CACHD1: variants seen among roughly 807,000 people sequenced by gnomAD.
The protein encoded by CACHD1 is VWFA and cache domain-containing protein 1.
Under a neutral mutation model 138.7 loss-of-function variants are expected in CACHD1, and 71 were observed. That is an observed-to-expected ratio of 0.51 (90% CI 0.42 to 0.62). CACHD1 has a LOEUF of 0.62. Among genes scored for constraint, CACHD1 ranks in the 20% least tolerant of loss-of-function variants. CACHD1 has a pLI of 0.00. For missense variants in CACHD1, 1,389 were observed against 1,625.3 expected (o/e 0.85, Z 2.50); for synonymous variants, 578 against 591.5 (o/e 0.98, Z 0.33).
intron 1 of CACHD1, 130 bp downstream of exon 1, chr1:64,471,072 G>C (rs1646141218): frequency 2.3e-6 from 2 of 864,094 alleles, no homozygotes; most frequent in African/African-American, 3.5e-5. Flanking sequence ...GCTTCCCGTC[G>C]GACCCCTCTG....
intron 17 of CACHD1, among the ~76,000 whole-genome samples, chr1:64,672,377 A>C (rs1649844857): frequency 6.6e-6 from 1 of 152,244 alleles, no homozygotes. Context: ...TAGATCAAAT[A>C]TAGTAGTCCC....
intron 4 of CACHD1, among the ~76,000 whole-genome samples, chr1:64,605,029 C>T (rs1349301163): frequency 6.8e-6 from 1 of 147,660 alleles, no homozygotes. Flanking sequence ...TGCAGTGATG[C>T]AGTCTTGGCT....
intron 1 of CACHD1, among the ~76,000 whole-genome samples, chr1:64,482,296 C>T (rs1006641219): frequency 1.3e-5 from 2 of 152,210 alleles, no homozygotes; most frequent in African/African-American, 2.4e-5. Context: ...TGCCAGAATA[C>T]TGGCCTTCTT....
At chr1:64,626,280 C>T (rs184490032) in intron 4 of CACHD1, among the ~76,000 whole-genome samples, 55 of 152,292 alleles carry the variant, frequency 3.6e-4, no homozygotes, top group African/African-American at 1.3e-3. Context: ...GGCATTTTAA[C>T]GCCAACCACA....
chr1:64,595,228 G>T (rs982390080), intron 3 of CACHD1, among the ~76,000 whole-genome samples: 2 of 152,092 alleles, frequency 1.3e-5, no homozygotes, highest in Admixed American at 6.5e-5. Context: ...ATGTGTGAGG[G>T]GAGAGAACAC....
At chr1:64,483,709 A>G (rs1471861638) in intron 1 of CACHD1, among the ~76,000 whole-genome samples, 2 of 149,482 alleles carry the variant, frequency 1.3e-5, no homozygotes, top group South Asian at 2.1e-4. Context: ...AAAAAGTGCC[A>G]AGGAGATCTT....
intron 16 of CACHD1, among the ~76,000 whole-genome samples, chr1:64,669,798 G>A (rs1395729954): frequency 6.6e-6 from 1 of 152,024 alleles, no homozygotes. Flanking sequence ...CAATATACGT[G>A]CTGTTGCTTT....
At position 64,487,074 on chromosome 1, in the gene CACHD1, G is replaced by A. The variant is rs192248786; in HGVS notation, c.198+16132G>A. On this transcript the variant is annotated intron_variant, in intron 1 of 26. Transcript: ENST00000651257. ...GGGCTGAAAGAAGGCACTGAAGAAA[G>A]GTGGGAATAAAGGAAGATGAGCGAG... 4.4e-3 allele frequency among the ~76,000 whole-genome samples: 665 copies of A among 152,222 alleles called. 8 individuals carry two copies. The highest frequency in any genetic ancestry group is 3.5e-3 in the Non-Finnish European group (236 of 68,012).
chr1:64,617,805 G>T (rs532476942), intron 4 of CACHD1, among the ~76,000 whole-genome samples: 1 of 152,312 alleles, frequency 6.6e-6, no homozygotes, highest in South Asian at 2.1e-4. Context: ...ATGGCTGGGT[G>T]CAGTGGCTCA....
chr1:64,593,991 G>T (rs1455452137), intron 3 of CACHD1, among the ~76,000 whole-genome samples: 1 of 151,988 alleles, frequency 6.6e-6, no homozygotes, highest in African/African-American at 2.4e-5. Flanking sequence ...AAAGTTTATG[G>T]CAGGGTAATC....
At chr1:64,502,552 A>G (rs1465229599) in intron 1 of CACHD1, among the ~76,000 whole-genome samples, 2 of 152,014 alleles carry the variant, frequency 1.3e-5, no homozygotes, top group Non-Finnish European at 2.9e-5. Flanking sequence ...ATGTGCATGC[A>G]TCTATGTGTG....
chr1:64,662,867 A>G (rs1421754913), intron 13 of CACHD1, among the ~76,000 whole-genome samples: 7 of 152,162 alleles, frequency 4.6e-5, no homozygotes, highest in African/African-American at 1.7e-4. Context: ...TGAGTGAATA[A>G]TTTTTATTTG....
At chr1:64,482,452 C>CA (rs1646216490) in intron 1 of CACHD1, among the ~76,000 whole-genome samples, 1 of 152,186 alleles carries the variant, frequency 6.6e-6, no homozygotes, top group Middle Eastern at 3.2e-3. Flanking sequence ...TTGGCCACTG[C>CA]AGGAGACAGC....
chr1:64,480,395 T>G (rs1646201666), intron 1 of CACHD1, among the ~76,000 whole-genome samples: 1 of 152,190 alleles, frequency 6.6e-6, no homozygotes, highest in African/African-American at 2.4e-5. Flanking sequence ...CATTTTTCTC[T>G]TAGAATGAAA....
intron 19 of CACHD1, 28 bp downstream of exon 19, chr1:64,673,492 T>A (rs781496152): frequency 1.3e-6 from 2 of 1,510,898 alleles, no homozygotes; most frequent in South Asian, 2.3e-5. Flanking sequence ...CTTAACACTC[T>A]CATTTTTCCA....
In CACHD1 at chr1:64,641,846, T is replaced by G. The variant is rs1401169478; in HGVS notation, c.1033T>G (p.Ser345Ala). Residue 345 changes from serine (S) to alanine (A), a missense_variant, in exon 8 of 27, where the codon TCA becomes GCA. This residue lies in a region of CACHD1 where 1,000 missense variants were observed against 1,114.7 expected (regional missense o/e 0.90). Coordinates refer to ENST00000651257, the MANE Select transcript of CACHD1 (RefSeq NM_020925.4). ...TACAGACATGGTCATCATTTACCTG[T>G]CAGCTGGCATTACATCAAAGGACTC... ...ANTDMVIIYL[S>A]AGITSKDSSE... 1 of 1,572,486 alleles carries G rather than the reference T, an allele frequency of 6.4e-7. No individual in the cohort carries two copies. Among genetic ancestry groups the G allele is most frequent in the African/African-American group, 1.4e-5 (1 of 72,248 alleles).
chr1:64,615,139 G>A (rs772441364), intron 4 of CACHD1, among the ~76,000 whole-genome samples: 2 of 152,098 alleles, frequency 1.3e-5, no homozygotes, highest in Admixed American at 6.6e-5. Flanking sequence ...CCTACAGCAC[G>A]CTGCCAGCCG....
At chr1:64,686,490 A>C (rs751380583) in intron 26 of CACHD1, among the ~76,000 whole-genome samples, 15 of 152,326 alleles carry the variant, frequency 9.8e-5, no homozygotes. Context: ...AAGTAGAATC[A>C]TTTTGGCCCA....
At chr1:64,506,437 CCAAA>C (rs1198821796) in intron 1 of CACHD1, 1 of 152,202 alleles carries the variant, frequency 6.6e-6, no homozygotes, top group East Asian at 1.9e-4. Context: ...TGGCAGTGTT[CCAAA>C]CAGTTTATGT....
Sources: gnomAD v4.1 joint callset for allele counts (sites outside exome capture counted in the v4.1 genomes callset) on GRCh38, gnomAD v4.1.1 for gene constraint, gnomAD v4.1.1 regional missense constraint, MANE v1.5 for transcripts, NCBI Gene and HGNC (gene_info 2026-07-23, HGNC 2026-07-21) for gene names.